The following RYR3 variants were observed in gnomAD, a reference collection of about 807,000 sequenced individuals.
The protein encoded by RYR3 is ryanodine receptor 3, also known as brain ryanodine receptor-calcium release channel.
In RYR3, 207 loss-of-function variants were observed where a neutral mutation model predicts 584.3. The ratio of observed to expected loss-of-function variants is 0.35; its 90% CI spans 0.32 to 0.40. RYR3 has a LOEUF of 0.40. RYR3 is among the 10% of genes least tolerant of loss of function. The pLI is 1.00. For missense variants in RYR3, 5,616 were observed against 6,089.2 expected, an observed-to-expected ratio of 0.92 and a Z score of 2.59; for synonymous variants, 2,416 against 2,248.5, an observed-to-expected ratio of 1.07 and a Z score of -2.11.
chr15:33,558,253 C>G (rs539563141), intron 10 of RYR3, among the ~76,000 whole-genome samples: 2 of 151,924 alleles, frequency 1.3e-5, no homozygotes, highest in East Asian at 3.9e-4. Flanking sequence ...CCCATCCCCC[C>G]ACCCCACAAC....
chr15:33,316,569 A>G (rs1176806949), intron 1 of RYR3, among the ~76,000 whole-genome samples: 1 of 152,182 alleles, frequency 6.6e-6, no homozygotes, highest in African/African-American at 2.4e-5. Context: ...GCTTAGAGGC[A>G]AGAATTCCTA....
At chr15:33,696,633 A>G in intron 39 of RYR3, 142 bp downstream of exon 39, 1 of 893,938 alleles carries the variant, frequency 1.1e-6, no homozygotes, top group South Asian at 1.8e-5. Flanking sequence ...TCATGGAGTC[A>G]TATCCTTTGC....
intron 69 of RYR3, among the ~76,000 whole-genome samples, chr15:33,806,513 G>T (rs74008330): frequency 4.6e-5 from 7 of 151,358 alleles, no homozygotes; most frequent in African/African-American, 1.7e-4. Flanking sequence ...GGAAGAAAAC[G>T]CAAGAAAATA....
intron 92 of RYR3, 171 bp from the exon 93 acceptor site, chr15:33,844,691 A>C (rs2078599328): frequency 3.2e-6 from 2 of 617,050 alleles, no homozygotes; most frequent in Non-Finnish European, 5.6e-6. Context: ...ATTATTAGAG[A>C]TACTGGGTGA....
At position 33,816,876 on chromosome 15, in the gene RYR3, A is replaced by G; in HGVS notation, c.10517A>G (p.Asn3506Ser). ...LYNLPRHRSI[N>S]LFLHGYQRFW... ...CTTCCGCTCAGGCACCGCTCTATTA[A>G]CCTCTTCCTCCATGGCTATCAGAGA... The change falls in exon 75 of 104, where the codon AAC (asparagine) becomes AGC (serine). Residue 3506 changes from asparagine (N) to serine (S), a missense_variant. Physicochemically the swap from Asn to Ser is conservative, Grantham distance 46. Around this residue, in one of 9 missense-constraint regions of RYR3, gnomAD observed 954 missense variants for 1,132.2 expected, o/e 0.84. Coordinates refer to ENST00000634891, the MANE Select transcript of RYR3 (RefSeq NM_001036.6). 1 of 1,611,862 alleles carries G rather than the reference A, an allele frequency of 6.2e-7. No homozygotes were observed. The highest frequency in any genetic ancestry group is 8.5e-7 in the Non-Finnish European group (1 of 1,178,646).
At chr15:33,496,569 G>A (rs2051445258) in intron 2 of RYR3, among the ~76,000 whole-genome samples, 1 of 152,134 alleles carries the variant, frequency 6.6e-6, no homozygotes. Flanking sequence ...GACAGATTCT[G>A]TAAAGCCTGT....
chr15:33,746,916 C>T (rs368750387), intron 53 of RYR3, among the ~76,000 whole-genome samples: 1 of 150,302 alleles, frequency 6.7e-6, no homozygotes, highest in Admixed American at 6.6e-5. Context: ...TCAAGTGATC[C>T]TCCCACCTCA....
chr15:33,645,004 C>T (rs1240927809), intron 28 of RYR3, among the ~76,000 whole-genome samples: 5 of 151,672 alleles, frequency 3.3e-5, no homozygotes, highest in Non-Finnish European at 7.4e-5. Context: ...AGAGAGAGAC[C>T]TCGTCTCTTG....
chr15:33,754,407 C>G (rs1202962398), intron 57 of RYR3, among the ~76,000 whole-genome samples: 1 of 152,210 alleles, frequency 6.6e-6, no homozygotes, highest in Non-Finnish European at 1.5e-5. Context: ...CTTCCTACCC[C>G]ACACTGCTTT....
At chr15:33,528,189 C>A (rs2054556060) in intron 3 of RYR3, among the ~76,000 whole-genome samples, 1 of 152,140 alleles carries the variant, frequency 6.6e-6, no homozygotes. Flanking sequence ...AAAATCTACT[C>A]CAGTATCCTG....
intron 42 of RYR3, among the ~76,000 whole-genome samples, chr15:33,703,249 G>A (rs143747202): frequency 3.3e-5 from 5 of 152,300 alleles, no homozygotes; most frequent in Admixed American, 1.3e-4. Context: ...CAAAACGCCC[G>A]TGTTTGTGCA....
chr15:33,645,194 A>G (rs1046487897), intron 28 of RYR3, among the ~76,000 whole-genome samples: 9 of 152,082 alleles, frequency 5.9e-5, no homozygotes, highest in Non-Finnish European at 1.3e-4. Context: ...ATCTATCCCC[A>G]TCTTCTAAGG....
chr15:33,374,576 G>T (rs1286218171), intron 1 of RYR3, among the ~76,000 whole-genome samples: 1 of 152,128 alleles, frequency 6.6e-6, no homozygotes, highest in Non-Finnish European at 1.5e-5. Flanking sequence ...AATTTCCTCA[G>T]CACACCAGAT....
chr15:33,685,001 G>A (rs1379292212), intron 38 of RYR3, among the ~76,000 whole-genome samples: 1 of 152,204 alleles, frequency 6.6e-6, no homozygotes, highest in East Asian at 1.9e-4. Flanking sequence ...ATGCCAAATT[G>A]TAAAGACCAT....
At chr15:33,715,500 T>C (rs2067428534) in intron 43 of RYR3, among the ~76,000 whole-genome samples, 1 of 152,230 alleles carries the variant, frequency 6.6e-6, no homozygotes, top group South Asian at 2.1e-4. Flanking sequence ...ATTTGAGATA[T>C]GGCTAGTTGC....
At chr15:33,708,344 C>T (rs530599266) in intron 43 of RYR3, among the ~76,000 whole-genome samples, 3 of 152,160 alleles carry the variant, frequency 2.0e-5, no homozygotes, top group Non-Finnish European at 1.5e-5. Context: ...ATCTTGGTCA[C>T]CTTCACAGTC....
intron 12 of RYR3, among the ~76,000 whole-genome samples, chr15:33,575,395 A>C (rs1168685179): frequency 5.3e-5 from 8 of 152,192 alleles, no homozygotes; most frequent in African/African-American, 1.9e-4. Context: ...TTCTCAGCAA[A>C]TGCAAAAGAA....
intron 35 of RYR3, among the ~76,000 whole-genome samples, chr15:33,663,179 A>G (rs1053045175): frequency 3.3e-5 from 5 of 152,210 alleles, no homozygotes; most frequent in African/African-American, 7.2e-5. Context: ...GCAAAAAACA[A>G]TGAAAGATGG....
At chr15:33,539,553 G>A (rs2055630404) in intron 6 of RYR3, 91 bp downstream of exon 6, 1 of 730,460 alleles carries the variant, frequency 1.4e-6, no homozygotes, top group Admixed American at 2.2e-5. Flanking sequence ...CAGCAGGTTG[G>A]ATAGAATAAG....
Sources: allele counts gnomAD v4.1 joint callset (sites outside exome capture counted in the v4.1 genomes callset), GRCh38; gene constraint gnomAD v4.1.1; regional missense constraint gnomAD v4.1.1; transcripts MANE v1.5; gene names NCBI Gene and HGNC (gene_info 2026-07-23, HGNC 2026-07-21).